Variants in CDK13 observed in about 807,000 individuals in gnomAD.
CDK13 encodes the protein cyclin dependent kinase 13, also known as cyclin-dependent kinase 13.
In CDK13, 40 loss-of-function variants were observed where a neutral mutation model predicts 137.6. That is an observed-to-expected ratio of 0.29 (90% CI 0.23 to 0.38). CDK13 has a LOEUF of 0.38. Among genes scored for constraint, CDK13 ranks in the 10% least tolerant of loss-of-function variants. The pLI, the probability that CDK13 is intolerant of heterozygous loss-of-function variation, is 1.00. For missense variants in CDK13, 1,704 were observed against 1,951.8 expected, an observed-to-expected ratio of 0.87 and a Z score of 2.39; for synonymous variants, 869 against 760.1, an observed-to-expected ratio of 1.14 and a Z score of -2.36.
chr7:39,985,727 C>G (rs570550103), intron 1 of CDK13: 1 of 152,258 alleles, frequency 6.6e-6, no homozygotes, highest in African/African-American at 2.4e-5. Context: ...AAAATAGAAT[C>G]CAACTCAGAT....
chr7:40,085,958 C>T (rs1786777783), intron 11 of CDK13, among the ~76,000 whole-genome samples: 1 of 152,146 alleles, frequency 6.6e-6, no homozygotes, highest in Non-Finnish European at 1.5e-5. Context: ...CCCCTACCCC[C>T]ACCAACCTAT....
Position 40,078,790 on chromosome 7 carries a change from G to T in CDK13, c.2968G>T (p.Glu990Ter). ...GGATCCTAGTAAGCGCTGCACTGCT[G>T]AACAGGCTCTTCAGTGCGAGTTCCT... ...ALDPSKRCTA[E>*]QALQCEFLRD... The change falls in exon 11 of 14, where the codon GAA becomes TAA. Residue 990 changes from glutamate to a stop codon, truncating the protein, a stop_gained. Coordinates refer to ENST00000181839, the MANE Select transcript of CDK13 (RefSeq NM_003718.5). LOFTEE classifies it high-confidence loss of function. 1 of 1,549,914 alleles carries T rather than the reference G, an allele frequency of 6.5e-7. No homozygotes were observed. The highest frequency in any genetic ancestry group is 8.7e-7 in the Non-Finnish European group (1 of 1,145,390).
Position 40,097,281 on chromosome 7 carries a change from A to C in CDK13, c.*2301A>C, listed in dbSNP as rs1787068445. On this transcript the variant is annotated 3_prime_UTR_variant, in exon 14 of 14. Coordinates refer to ENST00000181839, the MANE Select transcript of CDK13 (RefSeq NM_003718.5). ...TATCCTTACACAGCACTACTGTGAG[A>C]CATACTAGTCTTTTATATGTCACTT... 2.0e-5 allele frequency: 3 copies of C among 152,116 alleles called. 1 individual carries two copies. The South Asian group carries it at 6.2e-4, about 31-fold the overall frequency. 9.4% of individuals were successfully genotyped at this position (152,116 alleles called of 1,614,324 possible). A position where few individuals can be genotyped will look rare whatever the true frequency, so the allele number is the denominator to read the frequency against.
chr7:40,056,650 G>A (rs566212622), intron 7 of CDK13, among the ~76,000 whole-genome samples: 1 of 152,324 alleles, frequency 6.6e-6, no homozygotes, highest in South Asian at 2.1e-4. Context: ...ACGTCTGGAA[G>A]CAAGAACAAT....
intron 2 of CDK13, among the ~76,000 whole-genome samples, chr7:39,989,398 A>ATT (rs1052462782): frequency 6.9e-6 from 1 of 144,612 alleles, no homozygotes; most frequent in South Asian, 2.2e-4. Flanking sequence ...TTCCTAGCTG[A>ATT]TTTTTTTTTT....
At chr7:40,050,158 G>A (rs1052949066) in intron 7 of CDK13, among the ~76,000 whole-genome samples, 9 of 151,948 alleles carry the variant, frequency 5.9e-5, no homozygotes, top group Non-Finnish European at 1.3e-4. Context: ...CTTAGTGGAC[G>A]CTTAACGTTG....
chr7:39,996,650 C>A (rs895416205), intron 2 of CDK13, among the ~76,000 whole-genome samples: 1 of 152,102 alleles, frequency 6.6e-6, no homozygotes, highest in Admixed American at 6.6e-5. Flanking sequence ...CATGTGCTTT[C>A]TTTTATTTCT....
At chr7:40,068,955 C>T (rs925639870) in intron 9 of CDK13, among the ~76,000 whole-genome samples, 9 of 151,836 alleles carry the variant, frequency 5.9e-5, no homozygotes, top group East Asian at 5.8e-4. Context: ...AGAGATTGAC[C>T]GGGCACAGTG....
chr7:40,003,153 TACACACACACACACAC>T lies in CDK13; in HGVS notation c.2353+1161_2353+1176del, dbSNP rs71560157. On this transcript the variant is annotated intron_variant, in intron 5 of 13. Coordinates refer to ENST00000181839, the MANE Select transcript of CDK13 (RefSeq NM_003718.5). ...TACTTAGACTCCTGTCTTCCCCAGC[TACACACACACACACAC>T]ACACACACACACACACACACACACA... 5.7e-3 allele frequency among the ~76,000 whole-genome samples: 685 copies of T among 119,956 alleles called. 7 individuals carry two copies. Among genetic ancestry groups the T allele is most frequent in the African/African-American group, 0.018 (528 of 29,760 alleles). 78.7% of individuals were successfully genotyped at this position (119,956 alleles called of 152,430 possible).
chr7:40,015,691 T>A (rs1037186213), intron 5 of CDK13, among the ~76,000 whole-genome samples: 1 of 152,114 alleles, frequency 6.6e-6, no homozygotes, highest in Non-Finnish European at 1.5e-5. Context: ...GTTTTAGTCC[T>A]CTAGTGAAAT....
intron 7 of CDK13, among the ~76,000 whole-genome samples, chr7:40,059,792 G>GTA (rs1786101019): frequency 6.6e-6 from 1 of 152,134 alleles, no homozygotes; most frequent in South Asian, 2.1e-4. Context: ...TAAAAAGTAT[G>GTA]TATCAGTCTG....
chr7:40,081,270 T>C (rs1786657082), intron 11 of CDK13, among the ~76,000 whole-genome samples: 2 of 152,194 alleles, frequency 1.3e-5, no homozygotes, highest in Non-Finnish European at 2.9e-5. Context: ...TAATGTTACT[T>C]TGTACCATTA....
chr7:40,041,220 G>C (rs1785597945), intron 5 of CDK13, among the ~76,000 whole-genome samples: 1 of 152,046 alleles, frequency 6.6e-6, no homozygotes, highest in African/African-American at 2.4e-5. Context: ...CAGCTGCTTG[G>C]GAGGCTGAGG....
intron 2 of CDK13, among the ~76,000 whole-genome samples, chr7:39,990,834 A>C (rs1784440360): frequency 6.6e-6 from 1 of 152,260 alleles, no homozygotes; most frequent in African/African-American, 2.4e-5. Context: ...GTAAAGTGTT[A>C]TGCATCTCAG....
chr7:40,081,025 T>G (rs1430226096), intron 11 of CDK13, among the ~76,000 whole-genome samples: 2 of 152,198 alleles, frequency 1.3e-5, no homozygotes, highest in African/African-American at 4.8e-5. Flanking sequence ...AAAGAATTTT[T>G]CAAAGTTCAG....
chr7:39,997,824 G>T (rs1366085888), intron 3 of CDK13, 160 bp downstream of exon 3: 4 of 566,104 alleles, frequency 7.1e-6, no homozygotes, highest in Non-Finnish European at 1.2e-5. Flanking sequence ...AATCATAATT[G>T]CTTGCATTCC....
chr7:39,983,492 G>GAAGACAGA (rs2116245695), intron 1 of CDK13, among the ~76,000 whole-genome samples: 1 of 152,262 alleles, frequency 6.6e-6, no homozygotes, highest in African/African-American at 2.4e-5. Context: ...GTCTAAAAGA[G>GAAGACAGA]ATTAATAGTT....
At position 39,988,078 on chromosome 7, in the gene CDK13, T is replaced by C; in HGVS notation, c.1691T>C (p.Val564Ala). 6.2e-7 allele frequency: 1 copy of C among 1,610,312 alleles called. No individual in the cohort carries two copies. The highest frequency in any genetic ancestry group is 8.5e-7 in the Non-Finnish European group (1 of 1,178,464). ...VDKATKKAVI[V>A]GKESKSAATK... ...AAAGCCACCAAGAAAGCAGTCATAG[T>C]TGGAAAGGAGAGTAAATCTGCTGCT... The change falls in exon 2 of 14, where the codon GTT becomes GCT. Residue 564 changes from valine (V) to alanine (A), a missense_variant. Transcript: ENST00000181839.
At chr7:39,970,259 A>T (rs919219346) in intron 1 of CDK13, among the ~76,000 whole-genome samples, 1 of 151,676 alleles carries the variant, frequency 6.6e-6, no homozygotes, top group Non-Finnish European at 1.5e-5. Context: ...TGCCTCCCAA[A>T]GTGCTGGGAT....
Sources: allele counts gnomAD v4.1 joint callset (sites outside exome capture counted in the v4.1 genomes callset), GRCh38; gene constraint gnomAD v4.1.1; transcripts MANE v1.5; gene names NCBI Gene and HGNC (gene_info 2026-07-23, HGNC 2026-07-21).